Variants in DNM2 observed in about 807,000 individuals in gnomAD.
The protein encoded by DNM2 is dynamin 2.
A neutral mutation model predicts 99.0 loss-of-function variants in DNM2; 15 were observed. The observed-to-expected ratio is 0.15, with a 90% CI of 0.10 to 0.23. DNM2 has a LOEUF of 0.23. Among genes scored for constraint, DNM2 ranks in the 10% least tolerant of loss-of-function variants. DNM2 has a pLI of 1.00. For synonymous variants in DNM2, 525 were observed against 481.2 expected, an observed-to-expected ratio of 1.09 and a Z score of -1.19; for missense variants, 742 against 1,189.4, an observed-to-expected ratio of 0.62 and a Z score of 5.53.
Position 10,805,756 on chromosome 19 carries a change from C to T in DNM2, c.1494-160C>T, listed in dbSNP as rs145135165. On this transcript the variant is annotated intron_variant, in intron 12 of 20. Coordinates refer to ENST00000389253, the MANE Select transcript of DNM2 (RefSeq NM_001005361.3). Reference sequence around the variant, plus strand: ...ATTTACTTGTTCCGTGTGCCCAGGCCGTTTCCCTTGCGCAGCTCTGTGTGT... The same window carrying T: ...ATTTACTTGTTCCGTGTGCCCAGGCTGTTTCCCTTGCGCAGCTCTGTGTGT... Among the ~76,000 whole-genome samples the T allele has an allele frequency of 1.3e-4, 20 of 152,248 alleles. No individual in the cohort carries two copies. In the East Asian group the frequency reaches 3.3e-3, roughly 25 times the overall value.
At chr19:10,819,324 C>A (rs2072890119) in intron 15 of DNM2, among the ~76,000 whole-genome samples, 1 of 152,176 alleles carries the variant, frequency 6.6e-6, no homozygotes, top group African/African-American at 2.4e-5. Context: ...CTATCCAGCC[C>A]CAAGATGTCC....
At chr19:10,739,137 C>T (rs1433597673) in intron 1 of DNM2, among the ~76,000 whole-genome samples, 1 of 152,182 alleles carries the variant, frequency 6.6e-6, no homozygotes, top group Non-Finnish European at 1.5e-5. Context: ...CACGCCACTG[C>T]ACTCCAGCCT....
At chr19:10,737,902 C>G (rs927483226) in intron 1 of DNM2, among the ~76,000 whole-genome samples, 4 of 152,272 alleles carry the variant, frequency 2.6e-5, no homozygotes, top group African/African-American at 9.6e-5. Context: ...GATAGGTAAT[C>G]GGGGCACCCA....
Position 10,831,053 on chromosome 19 carries a change from G to A in DNM2, c.*6G>A, listed in dbSNP as rs376586174. 7.5e-6 allele frequency: 12 copies of A among 1,599,942 alleles called. No homozygotes were observed. Among genetic ancestry groups the A allele is most frequent in the South Asian group, 1.1e-5 (1 of 88,744 alleles). On this transcript the variant is annotated 3_prime_UTR_variant, in exon 21 of 21. Transcript: ENST00000389253. This position sits in a 1 kb window ranked among gnomAD's most constrained non-coding sequence, Gnocchi z 4.3. ...AGCCATCCCTGCTCGACTAGGCCTC[G>A]AGGGGGGCGTGCTCTCGGGGGGGCC...
intron 1 of DNM2, among the ~76,000 whole-genome samples, chr19:10,743,985 AG>A (rs58472208): frequency 0.088 from 13,083 of 147,968 alleles, 896 homozygotes; most frequent in East Asian, 0.36. Flanking sequence ...GACTGTTTCC[AG>A]AAAAAAAAAA....
At chr19:10,773,526 G>C (rs2071050607) in intron 3 of DNM2, among the ~76,000 whole-genome samples, 1 of 149,542 alleles carries the variant, frequency 6.7e-6, no homozygotes. Context: ...TCCACTCAAT[G>C]CAACCTTCAC....
rs745929185 is a variant in DNM2 at position 10,811,874 on chromosome 19, C to G, written c.1558-390C>G. The G allele has an allele frequency of 6.5e-5, 32 of 494,734 alleles. No individual in the cohort carries two copies. Among genetic ancestry groups the G allele is most frequent in the African/African-American group, 6.2e-4 (32 of 51,414 alleles). The allele number at this position is 494,734 out of a possible 1,614,324, so 30.6% of individuals were successfully genotyped here. On this transcript the variant is annotated intron_variant, in intron 14 of 20. Transcript: ENST00000389253. This position sits in a 1 kb window ranked among gnomAD's most constrained non-coding sequence, Gnocchi z 5.4. ...CCTGGGCTCACACCTTTGACCCTAG[C>G]CCTCTGTGTGGATGCTACCCTTGGA...
intron 2 of DNM2, chr19:10,769,234 C>T (rs2070897811): frequency 6.6e-6 from 1 of 152,358 alleles, no homozygotes; most frequent in African/African-American, 2.4e-5. Context: ...AGACTGAGAC[C>T]TGGGCAGGCC....
At chr19:10,732,121 A>AT (rs1299933398) in intron 1 of DNM2, among the ~76,000 whole-genome samples, 7 of 151,034 alleles carry the variant, frequency 4.6e-5, no homozygotes, top group Non-Finnish European at 1.0e-4. Flanking sequence ...CACCCGGCTA[A>AT]TTTTTTGTAT....
At position 10,816,302 on chromosome 19, in the gene DNM2, G is replaced by GGAAT. The variant is rs1168729865; in HGVS notation, c.1672-3676_1672-3673dup. The stretch of plus-strand genomic sequence containing the variant: ...CACATGAGGCCAGACGCTCATCTCT[G>GGAAT]GAATGTTCCTGAAACCTCAGGAGCC... On this transcript the variant is annotated intron_variant, in intron 15 of 20. Transcript: ENST00000389253. This position sits in a 1 kb window ranked among gnomAD's most constrained non-coding sequence, Gnocchi z 4.6. 3.3e-5 allele frequency among the ~76,000 whole-genome samples: 5 copies of GGAAT among 152,124 alleles called. No individual in the cohort carries two copies. The highest frequency in any genetic ancestry group is 9.7e-5 in the African/African-American group (4 of 41,424).
At chr19:10,814,430 C>T (rs181410550) in intron 15 of DNM2, among the ~76,000 whole-genome samples, 21 of 152,268 alleles carry the variant, frequency 1.4e-4, no homozygotes, top group Non-Finnish European at 2.4e-4. Flanking sequence ...CGCCATTGCA[C>T]TCCAGCCTGG....
At chr19:10,798,968 G>A (rs2072036546) in intron 11 of DNM2, among the ~76,000 whole-genome samples, 1 of 152,212 alleles carries the variant, frequency 6.6e-6, no homozygotes, top group Admixed American at 6.5e-5. Flanking sequence ...ACTCACGCCT[G>A]TAATCCCAGC....
At chr19:10,788,567 A>G (rs1228948765) in intron 7 of DNM2, among the ~76,000 whole-genome samples, 1 of 152,156 alleles carries the variant, frequency 6.6e-6, no homozygotes, top group Non-Finnish European at 1.5e-5. Context: ...GAGAAGAGAC[A>G]TGGGAGAGCG....
intron 11 of DNM2, 151 bp downstream of exon 11, chr19:10,798,723 T>A (rs1032929708): frequency 3.8e-6 from 3 of 781,350 alleles, no homozygotes; most frequent in Non-Finnish European, 6.5e-6. Flanking sequence ...AAAATCCCTG[T>A]CCCTATCATG....
At position 10,830,027 on chromosome 19, in the gene DNM2, C is replaced by G. The variant is rs1599640793; in HGVS notation, c.2292-100C>G. On this transcript the variant is annotated intron_variant, in intron 19 of 20. Coordinates refer to ENST00000389253, the MANE Select transcript of DNM2 (RefSeq NM_001005361.3). The surrounding 1 kb of genome is among the most constrained non-coding windows in gnomAD (Gnocchi z 4.8). ...GGATCCCACTGCGCCTGCGCTGTCC[C>G]CATAGCCAGCCCCCACCTCAGGTTC... 1 of 1,549,614 alleles carries G rather than the reference C, an allele frequency of 6.5e-7. No homozygotes were observed. The highest frequency in any genetic ancestry group is 1.7e-5 in the Admixed American group (1 of 59,914).
intron 10 of DNM2, among the ~76,000 whole-genome samples, chr19:10,798,121 C>T (rs555347420): frequency 1.1e-4 from 17 of 152,326 alleles, no homozygotes; most frequent in South Asian, 4.1e-4. Context: ...TACTCACTCA[C>T]GCTGGCGAGG....
At chr19:10,756,183 A>G (rs2070375999) in intron 1 of DNM2, among the ~76,000 whole-genome samples, 1 of 152,068 alleles carries the variant, frequency 6.6e-6, no homozygotes, top group African/African-American at 2.4e-5. Flanking sequence ...TGTCACCTGC[A>G]TGGGGGCGCC....
chr19:10,803,540 GCTTCTCACACTTCATCCACAGTTC>G (rs1354529656), intron 12 of DNM2: 1 of 835,256 alleles, frequency 1.2e-6, no homozygotes, highest in Non-Finnish European at 1.4e-6. Flanking sequence ...TGATGTCTCT[GCTTCTCACACTTCATCCACAGTTC>G]CTTCTCACAA....
rs904565892 is a variant in DNM2, at chr19:10,796,670, G to A, written c.1197-710G>A. ...CTCCGGGAATGGCCTGAATGCCAGCGACATCATGAGAGCCAGCTGGGGTCC... is the reference window on the plus strand; with the variant it reads ...CTCCGGGAATGGCCTGAATGCCAGCAACATCATGAGAGCCAGCTGGGGTCC... On this transcript the variant is annotated intron_variant, in intron 9 of 20. Transcript: ENST00000389253. The surrounding 1 kb of genome is among the most constrained non-coding windows in gnomAD (Gnocchi z 5.6). Among the ~76,000 whole-genome samples, 6 of 152,058 alleles carry A rather than the reference G, an allele frequency of 3.9e-5. No homozygotes were observed. Among genetic ancestry groups the A allele is most frequent in the Non-Finnish European group, 8.8e-5 (6 of 67,996 alleles).
Sources: allele counts gnomAD v4.1 joint callset (sites outside exome capture counted in the v4.1 genomes callset), GRCh38; gene constraint gnomAD v4.1.1; non-coding constraint Gnocchi (gnomAD v3.1); transcripts MANE v1.5; gene names NCBI Gene and HGNC (gene_info 2026-07-23, HGNC 2026-07-21).